Variants in LEMD2 observed in about 807,000 individuals in gnomAD.
The protein encoded by LEMD2 is LEM domain-containing protein 2.
LEMD2 carries 34 observed loss-of-function variants against 58.8 expected under a neutral mutation model. That is an observed-to-expected ratio of 0.58 (90% CI 0.44 to 0.77). The LOEUF (loss-of-function observed/expected upper bound fraction) is 0.77. Ranked by LOEUF, LEMD2 falls within the 30% of genes least tolerant of loss-of-function variation. The probability of loss-of-function intolerance (pLI) is 0.00; values close to 1 mark genes in which losing one functional copy is unlikely to be tolerated. For synonymous variants in LEMD2, 298 were observed against 308.9 expected, an observed-to-expected ratio of 0.96 and a Z score of 0.37; for missense variants, 629 against 717.9, an observed-to-expected ratio of 0.88 and a Z score of 1.42.
intron 3 of LEMD2, among the ~76,000 whole-genome samples, chr6:33,782,901 C>T (rs1026148482): frequency 6.6e-6 from 1 of 152,242 alleles, no homozygotes; most frequent in Non-Finnish European, 1.5e-5. Context: ...ACCTTCAAGG[C>T]GGCCCCCCAG....
In LEMD2 at chr6:33,786,988, T is replaced by C. The variant is rs948789318; in HGVS notation, c.737-214A>G. The C allele has an allele frequency of 9.3e-6, 10 of 1,079,154 alleles. No individual in the cohort carries two copies. The African/African-American group carries it at 1.6e-4, about 17-fold the overall frequency. 66.8% of individuals were successfully genotyped at this position (1,079,154 alleles called of 1,614,324 possible). On this transcript the variant is annotated intron_variant, in intron 1 of 8. Coordinates refer to ENST00000293760, the MANE Select transcript of LEMD2 (RefSeq NM_181336.4). ...ATTAGGAATTACGATAGCTGGGTCC[T>C]TGTCCCAGCTGAAAATGATTAGCTC... is the stretch of plus-strand genomic sequence containing the variant.
intron 8 of LEMD2, among the ~76,000 whole-genome samples, chr6:33,775,636 C>A (rs374002985): frequency 2.0e-5 from 3 of 152,286 alleles, no homozygotes; most frequent in East Asian, 3.9e-4. Context: ...GCTAACGGCT[C>A]TATTTTTCTG....
In LEMD2 at chr6:33,778,488, A is replaced by G; in HGVS notation, c.1011-101T>C. The G allele has an allele frequency of 2.1e-6, 2 of 953,422 alleles. No individual in the cohort carries two copies. Among genetic ancestry groups the G allele is most frequent in the Non-Finnish European group, 3.0e-6 (2 of 671,310 alleles). The allele number at this position is 953,422 out of a possible 1,614,324, so 59.1% of individuals were successfully genotyped here. A position where few individuals can be genotyped will look rare whatever the true frequency, so the allele number is the denominator to read the frequency against. On this transcript the variant is annotated intron_variant, in intron 5 of 8. Coordinates refer to ENST00000293760, the MANE Select transcript of LEMD2 (RefSeq NM_181336.4). The surrounding 1 kb of genome is among the most constrained non-coding windows in gnomAD (Gnocchi z 4.7). ...AGGAAGCGAAGGAAAGTGGGGACGC[A>G]AGGCCTCTACTTGCTTATAGAATAG...
chr6:33,776,916 A>C, intron 8 of LEMD2, 38 bp downstream of exon 8: 1 of 1,551,670 alleles, frequency 6.4e-7, no homozygotes, highest in South Asian at 1.1e-5. Flanking sequence ...GTCGGACCCC[A>C]TCTTACCTCA....
rs1416240850 is a variant in LEMD2, at chr6:33,788,579, C to T, written c.538G>A (p.Asp180Asn). 3 of 1,352,024 alleles carry T rather than the reference C, an allele frequency of 2.2e-6. No individual in the cohort carries two copies. The highest frequency in any genetic ancestry group is 6.2e-5 in the East Asian group (2 of 32,204). 83.8% of individuals were successfully genotyped at this position (1,352,024 alleles called of 1,614,324 possible). ...GTCGCCCGCAGGCCCGGGCGCGGGT[C>T]GGGACCGAGGAGGGAGGAAGGCAGC... ...ARLPSSLLGP[D>N]PRPGLRATRA... Residue 180 changes from aspartate (D) to asparagine (N), a missense_variant, in exon 1 of 9, where the codon GAC (aspartate) becomes AAC (asparagine). Around this residue, in one of 2 missense-constraint regions of LEMD2, gnomAD observed 386 missense variants for 381.1 expected, o/e 1.01. Transcript: ENST00000293760.
At chr6:33,782,459 T>C (rs1278112024) in intron 3 of LEMD2, among the ~76,000 whole-genome samples, 1 of 152,212 alleles carries the variant, frequency 6.6e-6, no homozygotes, top group Non-Finnish European at 1.5e-5. Flanking sequence ...TTCTCTCATC[T>C]TCCCCTTCCT....
chr6:33,771,446 TAG>T lies in LEMD2; in HGVS notation c.*1180_*1181del, dbSNP rs1767288253. The T allele has an allele frequency of 6.6e-6, 1 of 152,318 alleles. No individual in the cohort carries two copies. Among genetic ancestry groups the T allele is most frequent in the Non-Finnish European group, 1.5e-5 (1 of 68,034 alleles). 9.4% of individuals were successfully genotyped at this position (152,318 alleles called of 1,614,324 possible). A position where few individuals can be genotyped will look rare whatever the true frequency, so the allele number is the denominator to read the frequency against. ...AGGAAACAAAAAATACCAGTAAGAC[TAG>T]AGAGGGGTGGTTAATGTTTCTGGAG... On this transcript the variant is annotated 3_prime_UTR_variant, in exon 9 of 9. Coordinates refer to ENST00000293760, the MANE Select transcript of LEMD2 (RefSeq NM_181336.4).
chr6:33,778,630 G>A lies in LEMD2; in HGVS notation c.1011-243C>T, dbSNP rs953656772. The A allele has an allele frequency of 1.1e-5, 4 of 361,872 alleles. No homozygotes were observed. The highest frequency in any genetic ancestry group is 2.0e-5 in the Non-Finnish European group (4 of 203,122). 22.4% of individuals were successfully genotyped at this position (361,872 alleles called of 1,614,324 possible). A position where few individuals can be genotyped will look rare whatever the true frequency, so the allele number is the denominator to read the frequency against. ...CCTACCGCTAAAGCAACGTCCCCCT[G>A]TCAGGTCTTTGACAGCCTCTCTCAG... is the stretch of plus-strand genomic sequence containing the variant. On this transcript the variant is annotated intron_variant, in intron 5 of 8. Transcript: ENST00000293760. This position sits in a 1 kb window ranked among gnomAD's most constrained non-coding sequence, Gnocchi z 4.7.
chr6:33,773,543 G>A (rs1396661897), intron 8 of LEMD2, among the ~76,000 whole-genome samples: 1 of 149,028 alleles, frequency 6.7e-6, no homozygotes, highest in Non-Finnish European at 1.5e-5. Flanking sequence ...GAGTGTGTAC[G>A]CATGGGAGCA....
chr6:33,772,623 G>T lies in LEMD2; in HGVS notation c.*5C>A. ...GCTGACCGGGAACAAGTCCCCGCCC[G>T]GGGCTTATCGCTCTGAGTCAGAGAA... On this transcript the variant is annotated 3_prime_UTR_variant, in exon 9 of 9. Coordinates refer to ENST00000293760, the MANE Select transcript of LEMD2 (RefSeq NM_181336.4). 1 of 1,612,538 alleles carries T rather than the reference G, an allele frequency of 6.2e-7. No individual in the cohort carries two copies. The highest frequency in any genetic ancestry group is 1.1e-5 in the South Asian group (1 of 90,890).
chr6:33,788,284 G>A, intron 1 of LEMD2, 97 bp downstream of exon 1: 4 of 1,282,456 alleles, frequency 3.1e-6, no homozygotes, highest in East Asian at 3.0e-5. Flanking sequence ...CAGCTGACAA[G>A]GCCGGAAGTG....
chr6:33,786,200 G>A (rs977077727), intron 2 of LEMD2, among the ~76,000 whole-genome samples: 5 of 57,446 alleles, frequency 8.7e-5, no homozygotes, highest in African/African-American at 2.2e-4. Context: ...AAATGGATGG[G>A]GCTGCTCGCC....
At chr6:33,785,405 G>A (rs944945021) in intron 2 of LEMD2, among the ~76,000 whole-genome samples, 1 of 152,180 alleles carries the variant, frequency 6.6e-6, no homozygotes, top group African/African-American at 2.4e-5. Context: ...TGAAGCCCTC[G>A]CTGGCAGGTG....
intron 4 of LEMD2, 36 bp downstream of exon 4, chr6:33,781,041 C>T (rs760614704): frequency 2.8e-6 from 4 of 1,429,478 alleles, no homozygotes; most frequent in African/African-American, 1.4e-5. Flanking sequence ...AGCACCAGGC[C>T]CTCCCAGGAA....
intron 1 of LEMD2, 39 bp downstream of exon 1, chr6:33,788,342 C>A: frequency 6.6e-7 from 1 of 1,506,280 alleles, no homozygotes; most frequent in Non-Finnish European, 8.9e-7. Flanking sequence ...CGGACACACG[C>A]GCGCCCAGGG....
At chr6:33,787,204 A>G (rs747190497) in intron 1 of LEMD2, 12 of 189,638 alleles carry the variant, frequency 6.3e-5, no homozygotes, top group Non-Finnish European at 9.9e-5. Flanking sequence ...AAATACCAGC[A>G]TACATTCTAG....
At position 33,778,203 on chromosome 6, in the gene LEMD2, G is replaced by T; in HGVS notation, c.1156+39C>A. 6.5e-7 allele frequency: 1 copy of T among 1,538,386 alleles called. No homozygotes were observed. Among genetic ancestry groups the T allele is most frequent in the South Asian group, 1.3e-5 (1 of 79,902 alleles). The stretch of plus-strand genomic sequence containing the variant: ...ATCATTCATGCCTAGGAGTATGCTT[G>T]ACTGCACAGAAGGGGAGGGAAGGCG... On this transcript the variant is annotated intron_variant, in intron 6 of 8. Coordinates refer to ENST00000293760, the MANE Select transcript of LEMD2 (RefSeq NM_181336.4). The surrounding 1 kb of genome is among the most constrained non-coding windows in gnomAD (Gnocchi z 4.7).
intron 4 of LEMD2, among the ~76,000 whole-genome samples, chr6:33,780,662 C>T (rs1767545535): frequency 6.6e-6 from 1 of 152,192 alleles, no homozygotes; most frequent in Non-Finnish European, 1.5e-5. Flanking sequence ...GGAATACCAG[C>T]TCCATAGTTC....
intron 4 of LEMD2, 147 bp downstream of exon 4, chr6:33,780,930 A>G: frequency 1.6e-6 from 1 of 608,144 alleles, no homozygotes; most frequent in Non-Finnish European, 2.9e-6. Flanking sequence ...GTCTAGCACA[A>G]AAAGCCATAA....
Sources: allele counts gnomAD v4.1 joint callset (sites outside exome capture counted in the v4.1 genomes callset), GRCh38; gene constraint gnomAD v4.1.1; regional missense constraint gnomAD v4.1.1; non-coding constraint Gnocchi (gnomAD v3.1); transcripts MANE v1.5; gene names NCBI Gene and HGNC (gene_info 2026-07-23, HGNC 2026-07-21).